Variants in MED12L observed in about 807,000 individuals in gnomAD.
MED12L encodes mediator complex subunit 12L, also known as mediator of RNA polymerase II transcription subunit 12-like protein.
In MED12L, 60 loss-of-function variants were observed where a neutral mutation model predicts 281.3. The ratio of observed to expected loss-of-function variants is 0.21; its 90% CI spans 0.17 to 0.26. MED12L has a LOEUF of 0.26. Among genes scored for constraint, MED12L ranks in the 10% least tolerant of loss-of-function variants. The pLI is 1.00. For synonymous variants in MED12L, 974 were observed against 987.2 expected (o/e 0.99, Z 0.25); for missense variants, 2,146 against 2,680.9 (o/e 0.80, Z 4.41).
intron 2 of MED12L, among the ~76,000 whole-genome samples, chr3:151,088,207 G>T (rs1032442747): frequency 1.3e-5 from 2 of 152,162 alleles, no homozygotes; most frequent in Non-Finnish European, 2.9e-5. Context: ...CCTTTTAGAG[G>T]TTTAGCACAC....
intron 2 of MED12L, among the ~76,000 whole-genome samples, chr3:151,089,692 A>C: frequency 6.7e-6 from 1 of 149,474 alleles, no homozygotes; most frequent in African/African-American, 2.5e-5. Flanking sequence ...GGCGGGGGGG[A>C]GAATATGGAA....
rs1209577756 is a variant in MED12L at position 151,087,045 on chromosome 3, C to T, written c.99+20C>T. On this transcript the variant is annotated intron_variant, in intron 2 of 44. Transcript: ENST00000687756. ...AAGGAGGTAAGGGCGCCGGCGGCCT[C>T]CCCGGCAACCGGGGCCGCGCTCTGC... 1.9e-6 allele frequency: 3 copies of T among 1,583,882 alleles called. No homozygotes were observed. In the South Asian group the frequency reaches 3.4e-5, roughly 18 times the overall value.
chr3:151,259,228 G>A (rs1738414124), intron 16 of MED12L, among the ~76,000 whole-genome samples: 1 of 152,162 alleles, frequency 6.6e-6, no homozygotes, highest in African/African-American at 2.4e-5. Flanking sequence ...TGAGAACAAT[G>A]GTTTCTGTGA....
chr3:151,333,847 A>G (rs1750626954), intron 16 of MED12L, among the ~76,000 whole-genome samples: 1 of 152,154 alleles, frequency 6.6e-6, no homozygotes, highest in Non-Finnish European at 1.5e-5. Flanking sequence ...TAGGAGGCCA[A>G]GATGAGTGGA....
chr3:151,324,389 G>A (rs141769881), intron 16 of MED12L, among the ~76,000 whole-genome samples: 336 of 152,228 alleles, frequency 2.2e-3, no homozygotes, highest in Non-Finnish European at 3.4e-3. Context: ...TATCGTTTTT[G>A]TGGGGTCAGG....
At chr3:151,215,817 C>T (rs1462931761) in intron 16 of MED12L, among the ~76,000 whole-genome samples, 1 of 152,178 alleles carries the variant, frequency 6.6e-6, no homozygotes, top group Non-Finnish European at 1.5e-5. Context: ...CTGCTTCCTC[C>T]ACCCCCAGCA....
At chr3:151,235,564 C>A (rs983320866) in intron 16 of MED12L, among the ~76,000 whole-genome samples, 1 of 151,982 alleles carries the variant, frequency 6.6e-6, no homozygotes, top group Non-Finnish European at 1.5e-5. Context: ...ATTAGCTGGG[C>A]GTGCCTGTAA....
intron 16 of MED12L, among the ~76,000 whole-genome samples, chr3:151,309,243 A>G (rs1747157982): frequency 6.6e-6 from 1 of 152,184 alleles, no homozygotes; most frequent in South Asian, 2.1e-4. Flanking sequence ...TCTTAAACTA[A>G]TAGGAATATT....
chr3:151,114,181 T>A (rs888478141), intron 2 of MED12L, among the ~76,000 whole-genome samples: 2 of 152,210 alleles, frequency 1.3e-5, no homozygotes, highest in Non-Finnish European at 2.9e-5. Flanking sequence ...TTCACATAAT[T>A]TATTTGAAAA....
chr3:151,126,937 G>GA (rs1331171265), intron 4 of MED12L, among the ~76,000 whole-genome samples: 1 of 152,198 alleles, frequency 6.6e-6, no homozygotes, highest in Non-Finnish European at 1.5e-5. Flanking sequence ...GTGGAGTACA[G>GA]AGGGGGTCAT....
chr3:151,342,979 G>C (rs2149971384), intron 16 of MED12L, among the ~76,000 whole-genome samples: 1 of 152,196 alleles, frequency 6.6e-6, no homozygotes, highest in East Asian at 1.9e-4. Flanking sequence ...GAAGTTAGAT[G>C]GAGACCCCAT....
intron 2 of MED12L, among the ~76,000 whole-genome samples, chr3:151,115,330 T>A: frequency 8.3e-5 from 1 of 12,006 alleles, no homozygotes; most frequent in South Asian, 2.7e-3. Context: ...AACAATTCTT[T>A]TTTTTTTTTT....
intron 5 of MED12L, among the ~76,000 whole-genome samples, chr3:151,136,125 C>T (rs1205482761): frequency 6.6e-6 from 1 of 152,178 alleles, no homozygotes; most frequent in South Asian, 2.1e-4. Context: ...ACTCTTGTAA[C>T]CACTATCCTT....
intron 16 of MED12L, among the ~76,000 whole-genome samples, chr3:151,332,845 G>A (rs1750507704): frequency 6.6e-6 from 1 of 152,040 alleles, no homozygotes; most frequent in Admixed American, 6.6e-5. Context: ...TGTCACCCAG[G>A]TGATAAGCAT....
chr3:151,223,844 AAAAAG>A (rs1233125133), intron 16 of MED12L, among the ~76,000 whole-genome samples: 3 of 152,226 alleles, frequency 2.0e-5, no homozygotes, highest in African/African-American at 7.2e-5. Context: ...CCTAAAAGAA[AAAAAG>A]AAAAGAACAT....
chr3:151,345,517 CTTTTTTTTTT>C (rs201731496), intron 16 of MED12L, among the ~76,000 whole-genome samples: 15 of 131,654 alleles, frequency 1.1e-4, no homozygotes, highest in Admixed American at 9.3e-4. Context: ...TTTTCTTTTT[CTTTTTTTTTT>C]TTTTTTTGAG....
chr3:151,357,426 C>G (rs760274043), intron 20 of MED12L, 50 bp downstream of exon 20: 82 of 1,475,936 alleles, frequency 5.6e-5, no homozygotes, highest in Admixed American at 1.8e-4. Flanking sequence ...GAATGTATAA[C>G]TAGTGATGAA....
chr3:151,121,584 A>G (rs937107738), intron 3 of MED12L, among the ~76,000 whole-genome samples: 11 of 152,238 alleles, frequency 7.2e-5, no homozygotes, highest in African/African-American at 2.7e-4. Context: ...TGCTAACTTC[A>G]TTGGGGATAT....
chr3:151,394,726 A>G lies in MED12L; in HGVS notation c.5679A>G (p.Leu1893=), dbSNP rs374617628. The change falls in exon 39 of 45, where the codon CTA becomes CTG. Residue 1893 remains leucine, a synonymous_variant. Coordinates refer to ENST00000687756, the MANE Select transcript of MED12L (RefSeq NM_001393769.1). The part of the protein sequence containing the change: ...TNTKQALSNM[L]QRRSGAMMQP... Reference sequence around the variant, plus strand: ...CCAAACAAGCTCTGTCAAACATGCTACAGCGGCGCTCAGGCGCCATGATGC... The same window carrying G: ...CCAAACAAGCTCTGTCAAACATGCTGCAGCGGCGCTCAGGCGCCATGATGC... 3.1e-6 allele frequency: 5 copies of G among 1,614,160 alleles called. No individual in the cohort carries two copies. The highest frequency in any genetic ancestry group is 2.7e-5 in the African/African-American group (2 of 74,950).
Sources: allele counts gnomAD v4.1 joint callset (sites outside exome capture counted in the v4.1 genomes callset), GRCh38; gene constraint gnomAD v4.1.1; transcripts MANE v1.5; gene names NCBI Gene and HGNC (gene_info 2026-07-23, HGNC 2026-07-21).